Variants in TAFA4 observed in about 807,000 individuals in gnomAD.
TAFA4 encodes chemokine-like protein TAFA-4.
Under a neutral mutation model 21.1 loss-of-function variants are expected in TAFA4, and 20 were observed. That is an observed-to-expected ratio of 0.95 (90% CI 0.67 to 1.38). The LOEUF is 1.38. Among genes scored for constraint, TAFA4 ranks in the 40% most tolerant of loss-of-function variants. The probability of loss-of-function intolerance (pLI) is 0.00; values close to 1 mark genes in which losing one functional copy is unlikely to be tolerated. For synonymous variants in TAFA4, 71 were observed against 67.4 expected, an observed-to-expected ratio of 1.05 and a Z score of -0.26; for missense variants, 211 against 180.9, an observed-to-expected ratio of 1.17 and a Z score of -0.95.
intron 3 of TAFA4, among the ~76,000 whole-genome samples, chr3:68,839,775 A>G (rs904697273): frequency 1.3e-5 from 2 of 152,110 alleles, no homozygotes; most frequent in Admixed American, 1.3e-4. Context: ...TGGGTCTCTG[A>G]GGATACAGCT....
chr3:68,736,116 C>T (rs757790325), intron 5 of TAFA4, among the ~76,000 whole-genome samples: 1 of 152,102 alleles, frequency 6.6e-6, no homozygotes, highest in Non-Finnish European at 1.5e-5. Context: ...AAGTGATTTG[C>T]TTCTGCTCAC....
In TAFA4 at chr3:68,772,510, T is replaced by C. The variant is rs567092631; in HGVS notation, c.131-19492A>G. ...TCCTGGATCTGGGACACTCATCTTC[T>C]CCTGCCTATAGACATCAGAACTCCA... On this transcript the variant is annotated intron_variant, in intron 3 of 5. Transcript: ENST00000295569. 6.6e-4 allele frequency among the ~76,000 whole-genome samples: 101 copies of C among 152,306 alleles called. 1 individual carries two copies. The Middle Eastern group carries it at 0.01, about 15-fold the overall frequency.
At chr3:68,795,418 C>G (rs79102323) in intron 3 of TAFA4, among the ~76,000 whole-genome samples, 2,808 of 152,070 alleles carry the variant, frequency 0.018, 73 homozygotes, top group African/African-American at 0.064. Flanking sequence ...ATCATATGAC[C>G]CCAACCTAAG....
In TAFA4 at chr3:68,813,799, C is replaced by A. The variant is rs34975646; in HGVS notation, c.131-60781G>T. Among the ~76,000 whole-genome samples the A allele has an allele frequency of 6.6e-5, 10 of 151,882 alleles. No individual in the cohort carries two copies. In the East Asian group the frequency reaches 7.8e-4, roughly 12 times the overall value. The stretch of plus-strand genomic sequence containing the variant: ...CCAATCAATAGAAAAAGAGGGAATC[C>A]TCCCTAACTCATTTTATGAGGACAG... On this transcript the variant is annotated intron_variant, in intron 3 of 5. Transcript: ENST00000295569.
intron 3 of TAFA4, among the ~76,000 whole-genome samples, chr3:68,857,815 A>G (rs1487049521): frequency 1.3e-5 from 2 of 151,270 alleles, no homozygotes; most frequent in South Asian, 4.1e-4. Context: ...CAAAACAAAA[A>G]AAAAACAAAA....
chr3:68,733,215 G>GC, intron 5 of TAFA4, 62 bp from the exon 6 acceptor site: 1 of 1,583,168 alleles, frequency 6.3e-7, no homozygotes, highest in Non-Finnish European at 8.6e-7. Context: ...AACCATTCCT[G>GC]CCCCCGAGAC....
At chr3:68,848,959 G>GA (rs1704876915) in intron 3 of TAFA4, among the ~76,000 whole-genome samples, 1 of 151,764 alleles carries the variant, frequency 6.6e-6, no homozygotes, top group African/African-American at 2.4e-5. Context: ...TACCTAGCGA[G>GA]AAAAATAAAC....
chr3:68,893,317 A>G (rs1168849320), intron 1 of TAFA4, among the ~76,000 whole-genome samples: 1 of 152,234 alleles, frequency 6.6e-6, no homozygotes, highest in African/African-American at 2.4e-5. Flanking sequence ...TAATACTATC[A>G]TCATTACTAT....
chr3:68,778,058 C>G (rs1602199), intron 3 of TAFA4, among the ~76,000 whole-genome samples: 104,488 of 151,984 alleles, frequency 0.69, 36,444 homozygotes, highest in East Asian at 0.99. Flanking sequence ...CAAAAATTAT[C>G]TTAAATGTAA....
intron 1 of TAFA4, chr3:68,913,591 G>C (rs2089979780): frequency 6.6e-6 from 1 of 152,260 alleles, no homozygotes; most frequent in Non-Finnish European, 1.5e-5. Flanking sequence ...AGCCTTTCAA[G>C]CTGGACCACC....
At chr3:68,836,585 T>A (rs1351906697) in intron 3 of TAFA4, among the ~76,000 whole-genome samples, 2 of 152,210 alleles carry the variant, frequency 1.3e-5, no homozygotes, top group Admixed American at 6.5e-5. Context: ...ATTCAATATA[T>A]GTTTATTAAG....
chr3:68,778,911 G>A (rs576957071), intron 3 of TAFA4, among the ~76,000 whole-genome samples: 2 of 152,336 alleles, frequency 1.3e-5, no homozygotes, highest in Admixed American at 1.3e-4. Context: ...GCAGAGGTTG[G>A]AACAGTTTGG....
intron 1 of TAFA4, among the ~76,000 whole-genome samples, chr3:68,912,013 G>C (rs532590931): frequency 7.2e-5 from 11 of 152,124 alleles, no homozygotes; most frequent in Admixed American, 5.9e-4. Flanking sequence ...GTGAATCACT[G>C]ATCCTTCTCC....
chr3:68,900,809 G>A (rs1035780846), intron 1 of TAFA4, among the ~76,000 whole-genome samples: 2 of 152,122 alleles, frequency 1.3e-5, no homozygotes, highest in East Asian at 3.8e-4. Flanking sequence ...AATAAATTTG[G>A]TTTTGCAATC....
intron 3 of TAFA4, among the ~76,000 whole-genome samples, chr3:68,862,191 G>C (rs2089353983): frequency 6.6e-6 from 1 of 151,576 alleles, no homozygotes; most frequent in African/African-American, 2.4e-5. Context: ...ACTTGCTAAA[G>C]GCAGGTAGGC....
At chr3:68,794,532 C>T (rs1049507141) in intron 3 of TAFA4, among the ~76,000 whole-genome samples, 2 of 152,156 alleles carry the variant, frequency 1.3e-5, no homozygotes, top group African/African-American at 2.4e-5. Flanking sequence ...CAGCTCTCCC[C>T]TCTCCTTAGC....
At chr3:68,871,540 C>G (rs1042052441) in intron 3 of TAFA4, among the ~76,000 whole-genome samples, 1 of 152,076 alleles carries the variant, frequency 6.6e-6, no homozygotes. Flanking sequence ...TTTAGTAAGA[C>G]TTTGAAAGCA....
intron 3 of TAFA4, among the ~76,000 whole-genome samples, chr3:68,814,658 A>G (rs1559530490): frequency 6.6e-6 from 1 of 152,222 alleles, no homozygotes. Context: ...TCAATGAAAT[A>G]AAAGAGGATA....
At chr3:68,739,410 G>A (rs555241314) in intron 4 of TAFA4, among the ~76,000 whole-genome samples, 50 of 152,256 alleles carry the variant, frequency 3.3e-4, no homozygotes, top group Non-Finnish European at 5.1e-4. Flanking sequence ...TGGTGAGAAC[G>A]CAGAGAAAAG....
Sources: allele counts gnomAD v4.1 joint callset (sites outside exome capture counted in the v4.1 genomes callset), GRCh38; gene constraint gnomAD v4.1.1; transcripts MANE v1.5; gene names NCBI Gene and HGNC (gene_info 2026-07-23, HGNC 2026-07-21).